Variants in PECR observed in about 807,000 individuals in gnomAD.
PECR encodes the protein 2,4-dienoyl-CoA reductase-related protein.
In PECR, 30 loss-of-function variants were observed where a neutral mutation model predicts 35.3. The observed-to-expected ratio is 0.85, with a 90% CI of 0.64 to 1.15. The LOEUF is 1.15. Ranked by LOEUF, PECR falls within the 50% of genes most tolerant of loss-of-function variation. The pLI, the probability that PECR is intolerant of heterozygous loss-of-function variation, is 0.00. For synonymous variants in PECR, 148 were observed against 138.9 expected, an observed-to-expected ratio of 1.07 and a Z score of -0.46; for missense variants, 392 against 370.8, an observed-to-expected ratio of 1.06 and a Z score of -0.47.
chr2:216,053,784 C>T (rs903268718), intron 4 of PECR, among the ~76,000 whole-genome samples: 4 of 152,178 alleles, frequency 2.6e-5, no homozygotes, highest in African/African-American at 9.7e-5. Context: ...AAGACCTTCT[C>T]TATTGCCTCT....
At chr2:216,080,341 G>A (rs1695811084) in intron 1 of PECR, among the ~76,000 whole-genome samples, 1 of 152,188 alleles carries the variant, frequency 6.6e-6, no homozygotes, top group African/African-American at 2.4e-5. Flanking sequence ...CTCTCAAAGT[G>A]CTGGAATTAC....
At chr2:216,068,941 TAAC>T (rs1695530135) in intron 1 of PECR, among the ~76,000 whole-genome samples, 1 of 150,492 alleles carries the variant, frequency 6.6e-6, no homozygotes, top group African/African-American at 2.4e-5. Context: ...GCAAAAATAA[TAAC>T]AACATATTGT....
intron 1 of PECR, among the ~76,000 whole-genome samples, chr2:216,067,211 T>C (rs545543334): frequency 6.2e-4 from 95 of 152,158 alleles, no homozygotes; most frequent in Non-Finnish European, 2.1e-4. Context: ...AGAAAAGATA[T>C]ACAGAGAGCG....
At chr2:216,046,672 A>G (rs952519174) in intron 6 of PECR, among the ~76,000 whole-genome samples, 5 of 152,142 alleles carry the variant, frequency 3.3e-5, no homozygotes, top group Admixed American at 6.6e-5. Flanking sequence ...AATTCATTAA[A>G]TATTACTCTT....
chr2:216,073,156 A>G (rs1695619470), intron 1 of PECR, among the ~76,000 whole-genome samples: 1 of 152,178 alleles, frequency 6.6e-6, no homozygotes, highest in Non-Finnish European at 1.5e-5. Context: ...AAAATATATA[A>G]TGTGCAACAA....
rs550374772 is a variant in PECR at position 216,048,075 on chromosome 2, T to A, written c.714+1188A>T. On this transcript the variant is annotated intron_variant, in intron 6 of 7. Coordinates refer to ENST00000265322, the MANE Select transcript of PECR (RefSeq NM_018441.6). ...AGACATCCTTTTCTTTTCTTTATTT[T>A]ATTTTATTTTATTTTTTGAGATAGA... is the stretch of plus-strand genomic sequence containing the variant. Among the ~76,000 whole-genome samples the A allele has an allele frequency of 2.4e-3, 360 of 151,864 alleles. 1 individual carries two copies. The highest frequency in any genetic ancestry group is 8.0e-3 in the African/African-American group (332 of 41,434).
At chr2:216,066,755 A>G (rs752575850) in intron 1 of PECR, among the ~76,000 whole-genome samples, 2 of 152,160 alleles carry the variant, frequency 1.3e-5, no homozygotes, top group Non-Finnish European at 2.9e-5. Flanking sequence ...GCTTGATCAT[A>G]GCTCACTGTA....
chr2:216,057,344 G>A (rs1351151762), intron 4 of PECR, among the ~76,000 whole-genome samples: 2 of 152,080 alleles, frequency 1.3e-5, no homozygotes, highest in African/African-American at 4.8e-5. Context: ...TTATAAAAGT[G>A]GCATATTAGC....
At chr2:216,046,131 T>G (rs959305050) in intron 6 of PECR, among the ~76,000 whole-genome samples, 1 of 151,286 alleles carries the variant, frequency 6.6e-6, no homozygotes, top group Admixed American at 6.6e-5. Context: ...TTTGTTTCTT[T>G]TTTTAAATGT....
At chr2:216,038,072 G>A (rs893920267), downstream of PECR, among the ~76,000 whole-genome samples, 66 of 152,116 alleles carry the variant, frequency 4.3e-4, no homozygotes, top group African/African-American at 1.5e-3. Context: ...GTGACAGAGT[G>A]AGACTCCATC....
intron 3 of PECR, chr2:216,063,762 G>A (rs1052327889): frequency 2.0e-5 from 3 of 151,954 alleles, no homozygotes; most frequent in African/African-American, 7.2e-5. Context: ...TTGTCACCCA[G>A]GCTCAAGTAC....
chr2:216,080,588 T>C (rs558001877), intron 1 of PECR, among the ~76,000 whole-genome samples: 1 of 152,344 alleles, frequency 6.6e-6, no homozygotes, highest in Admixed American at 6.5e-5. Context: ...GGATCTTTTT[T>C]TCCAAATTGC....
At position 216,039,079 on chromosome 2, in the gene PECR, A is replaced by G; in HGVS notation, c.*196T>C. On this transcript the variant is annotated 3_prime_UTR_variant, in exon 8 of 8. Transcript: ENST00000265322. Reference sequence around the variant, plus strand: ...AATTTCTGTTACTTATACATTTTTAAATCATAGGTTAAAAGACTCTGATTG... The same window carrying G: ...AATTTCTGTTACTTATACATTTTTAGATCATAGGTTAAAAGACTCTGATTG... 2.2e-6 allele frequency: 1 copy of G among 458,084 alleles called. No homozygotes were observed. Among genetic ancestry groups the G allele is most frequent in the Non-Finnish European group, 3.9e-6 (1 of 254,560 alleles). The allele number at this position is 458,084 out of a possible 1,614,324, so 28.4% of individuals were successfully genotyped here. A position where few individuals can be genotyped will look rare whatever the true frequency, so the allele number is the denominator to read the frequency against.
chr2:216,050,759 G>C (rs1695098351), intron 5 of PECR: 2 of 152,394 alleles, frequency 1.3e-5, no homozygotes, highest in Admixed American at 1.3e-4. Flanking sequence ...AAATTAGCCA[G>C]GGGTGGTGGC....
At chr2:216,076,848 A>C (rs531468020) in intron 1 of PECR, among the ~76,000 whole-genome samples, 2 of 152,138 alleles carry the variant, frequency 1.3e-5, no homozygotes, top group African/African-American at 4.8e-5. Flanking sequence ...GGAGAAATGC[A>C]TACCATATTA....
chr2:216,062,040 A>C lies in PECR; in HGVS notation c.425-3064T>G, dbSNP rs141173746. Among the ~76,000 whole-genome samples the C allele has an allele frequency of 5.2e-3, 780 of 150,440 alleles. 9 individuals are homozygous for C. The highest frequency in any genetic ancestry group is 0.018 in the African/African-American group (740 of 40,938). On this transcript the variant is annotated intron_variant, in intron 3 of 7. Coordinates refer to ENST00000265322, the MANE Select transcript of PECR (RefSeq NM_018441.6). ...GAGAGATCATGTAAATGGGAATGTTAGTGCGTGGTGAATTTTTTTTTTTTT... is the reference window on the plus strand; with the variant it reads ...GAGAGATCATGTAAATGGGAATGTTCGTGCGTGGTGAATTTTTTTTTTTTT...
At position 216,081,737 on chromosome 2, in the gene PECR, G is replaced by A; in HGVS notation, c.5C>T (p.Ala2Val). The A allele has an allele frequency of 6.2e-7, 1 of 1,613,040 alleles. No homozygotes were observed. The highest frequency in any genetic ancestry group is 1.3e-5 in the African/African-American group (1 of 75,054). ...GTAGCTCCTGCCCTTAGCCCAGGAG[G>A]CCATCCCTGCAGCGGGGTGCCAGAG... M[A>V]SWAKGRSYLA... The change falls in exon 1 of 8, where the codon GCC (alanine) becomes GTC (valine). Residue 2 changes from alanine to valine, a missense_variant. By Grantham distance (64) the Ala-to-Val change is moderately conservative (BLOSUM62 0). Coordinates refer to ENST00000265322, the MANE Select transcript of PECR (RefSeq NM_018441.6).
chr2:216,078,487 G>C (rs963508092), intron 1 of PECR, among the ~76,000 whole-genome samples: 2 of 151,716 alleles, frequency 1.3e-5, no homozygotes, highest in African/African-American at 4.8e-5. Flanking sequence ...TGCTCAGGAG[G>C]CTGAGGCAGA....
intron 1 of PECR, among the ~76,000 whole-genome samples, chr2:216,080,568 G>C (rs1196874039): frequency 1.3e-5 from 2 of 152,146 alleles, no homozygotes; most frequent in East Asian, 3.8e-4. Flanking sequence ...TAAACATTGT[G>C]AAGGTTTTTG....
Sources: gnomAD v4.1 joint callset for allele counts (sites outside exome capture counted in the v4.1 genomes callset) on GRCh38, gnomAD v4.1.1 for gene constraint, MANE v1.5 for transcripts, NCBI Gene and HGNC (gene_info 2026-07-23, HGNC 2026-07-21) for gene names.